Variants in RAB11FIP4 observed in about 807,000 individuals in gnomAD.
The protein encoded by RAB11FIP4 is rab11 family-interacting protein 4.
A neutral mutation model predicts 74.3 loss-of-function variants in RAB11FIP4; 23 were observed. That is an observed-to-expected ratio of 0.31 (90% CI 0.22 to 0.44). The LOEUF (loss-of-function observed/expected upper bound fraction) is 0.44. Ranked by LOEUF, RAB11FIP4 falls within the 20% of genes least tolerant of loss-of-function variation. The probability of loss-of-function intolerance (pLI) is 1.00; values close to 1 mark genes in which losing one functional copy is unlikely to be tolerated. For missense variants in RAB11FIP4, 630 were observed against 863.9 expected, an observed-to-expected ratio of 0.73 and a Z score of 3.39; for synonymous variants, 360 against 359.9, an observed-to-expected ratio of 1.00 and a Z score of 0.00.
chr17:31,463,444 T>C (rs1192056925), intron 3 of RAB11FIP4, among the ~76,000 whole-genome samples: 1 of 152,094 alleles, frequency 6.6e-6, no homozygotes, highest in African/African-American at 2.4e-5. Flanking sequence ...GCTCTCAATT[T>C]TGGCACCAAC....
At chr17:31,420,292 G>A (rs901911262) in intron 1 of RAB11FIP4, among the ~76,000 whole-genome samples, 1 of 152,078 alleles carries the variant, frequency 6.6e-6, no homozygotes, top group Admixed American at 6.5e-5. Context: ...GTGCAGTGGT[G>A]TAATCAAGGC....
intron 3 of RAB11FIP4, among the ~76,000 whole-genome samples, chr17:31,503,749 G>A (rs940885970): frequency 6.7e-6 from 1 of 149,796 alleles, no homozygotes; most frequent in Non-Finnish European, 1.5e-5. Flanking sequence ...TGAAGCTCAT[G>A]TTGGTCTGTT....
chr17:31,407,679 G>A (rs1055110245), intron 1 of RAB11FIP4, among the ~76,000 whole-genome samples: 4 of 152,122 alleles, frequency 2.6e-5, no homozygotes, highest in Non-Finnish European at 4.4e-5. Context: ...CACAGTAAGC[G>A]TTTTTGGCAG....
intron 1 of RAB11FIP4, among the ~76,000 whole-genome samples, chr17:31,393,068 G>C (rs771167508): frequency 6.6e-6 from 1 of 152,254 alleles, no homozygotes; most frequent in Non-Finnish European, 1.5e-5. Context: ...TCACCAGAGA[G>C]TGGGAGGCGA....
At chr17:31,392,063 CGCCCCTCCCCCAGCT>C in intron 1 of RAB11FIP4, 52 bp downstream of exon 1, 1 of 1,130,240 alleles carries the variant, frequency 8.8e-7, no homozygotes, top group Non-Finnish European at 1.1e-6. Flanking sequence ...CCAGCCCCGC[CGCCCCTCCCCCAGCT>C]CCCCCGCCGG....
chr17:31,404,077 C>T (rs1350895914), intron 1 of RAB11FIP4, among the ~76,000 whole-genome samples: 2 of 152,178 alleles, frequency 1.3e-5, no homozygotes, highest in Non-Finnish European at 2.9e-5. Context: ...ATTCCATGGC[C>T]CCAGGAGGTG....
chr17:31,393,701 C>T (rs907154897), intron 1 of RAB11FIP4, among the ~76,000 whole-genome samples: 6 of 152,196 alleles, frequency 3.9e-5, no homozygotes, highest in Admixed American at 3.9e-4. Context: ...ACTCCTGCCC[C>T]TTCTCTCCTT....
rs2072610838 is a variant in RAB11FIP4 at position 31,518,901 on chromosome 17, C to T, written c.563+1024C>T. Among the ~76,000 whole-genome samples, 5 of 152,116 alleles carry T rather than the reference C, an allele frequency of 3.3e-5. No individual in the cohort carries two copies. In the South Asian group the frequency reaches 1.0e-3, roughly 32 times the overall value. ...AGGCTGGAGTGCAGTGGCATGATCT[C>T]ACCTCACTGCAGCCTCCGCCTCCCG... On this transcript the variant is annotated intron_variant, in intron 4 of 14. Coordinates refer to ENST00000621161, the MANE Select transcript of RAB11FIP4 (RefSeq NM_032932.6).
intron 1 of RAB11FIP4, among the ~76,000 whole-genome samples, chr17:31,402,829 G>T (rs777162870): frequency 1.3e-5 from 2 of 151,612 alleles, no homozygotes; most frequent in Non-Finnish European, 2.9e-5. Flanking sequence ...GTTTCACCGT[G>T]TTAGCCAGGA....
Position 31,521,319 on chromosome 17 carries a change from G to A in RAB11FIP4, c.717G>A (p.Arg239=), listed in dbSNP as rs190776227. 1.1e-4 allele frequency: 182 copies of A among 1,613,764 alleles called. No homozygotes were observed. In the Admixed American group the frequency reaches 2.2e-3, roughly 19 times the overall value. ...GCCCTTGCCCCGATGATGAGACCAG[G>A]ACCAACGTCTACTCGGACCTGGGGT... The part of the protein sequence containing the change: ...PSSPCPDDET[R]TNVYSDLGSS... Residue 239 remains arginine (R), a synonymous_variant, in exon 5 of 15, where the codon AGG becomes AGA. Coordinates refer to ENST00000621161, the MANE Select transcript of RAB11FIP4 (RefSeq NM_032932.6).
intron 3 of RAB11FIP4, among the ~76,000 whole-genome samples, chr17:31,511,605 G>A (rs892925495): frequency 1.3e-5 from 2 of 152,240 alleles, no homozygotes; most frequent in African/African-American, 4.8e-5. Context: ...AGGTGGACAT[G>A]TGGTCACTTG....
chr17:31,523,912 A>C lies in RAB11FIP4; in HGVS notation c.1049A>C (p.Lys350Thr). Residue 350 changes from lysine to threonine, a missense_variant, in exon 9 of 15, where the codon AAG (lysine) becomes ACG (threonine). By Grantham distance (78) the Lys-to-Thr change is moderately conservative. Coordinates refer to ENST00000621161, the MANE Select transcript of RAB11FIP4 (RefSeq NM_032932.6). ...ITEKVSFLEKKVTELENDSLT... is the reference protein window; with the variant it reads ...ITEKVSFLEKTVTELENDSLT... ...CTGCAGGTAAGCTTCCTGGAAAAGAAGGTGACAGAGCTGGAGAATGACAGC... is the reference window on the plus strand; with the variant it reads ...CTGCAGGTAAGCTTCCTGGAAAAGACGGTGACAGAGCTGGAGAATGACAGC... The C allele has an allele frequency of 1.2e-6, 2 of 1,611,648 alleles. No individual in the cohort carries two copies. The highest frequency in any genetic ancestry group is 1.7e-6 in the Non-Finnish European group (2 of 1,179,092).
intron 3 of RAB11FIP4, among the ~76,000 whole-genome samples, chr17:31,509,862 G>A (rs1026854020): frequency 3.9e-5 from 6 of 152,120 alleles, no homozygotes; most frequent in Non-Finnish European, 8.8e-5. Context: ...AGGCAAGGCC[G>A]AGGCACTGCC....
In RAB11FIP4 at chr17:31,436,212, A is replaced by G. The variant is rs1174941412; in HGVS notation, c.336+2090A>G. Among the ~76,000 whole-genome samples the G allele has an allele frequency of 2.0e-5, 3 of 152,288 alleles. No individual in the cohort carries two copies. The East Asian group carries it at 5.8e-4, about 29-fold the overall frequency. On this transcript the variant is annotated intron_variant, in intron 3 of 14. Coordinates refer to ENST00000621161, the MANE Select transcript of RAB11FIP4 (RefSeq NM_032932.6). ...GAGCGTCAGTGTCCTCAACTGTAAA[A>G]CAAGGCTTGCTGTGCCAATCTGGAG...
At position 31,431,799 on chromosome 17, in the gene RAB11FIP4, C is replaced by T. The variant is rs773714816; in HGVS notation, c.160-14C>T. The T allele has an allele frequency of 6.3e-7, 1 of 1,590,966 alleles. No individual in the cohort carries two copies. The highest frequency in any genetic ancestry group is 8.6e-7 in the Non-Finnish European group (1 of 1,162,738). On this transcript the variant is annotated splice_polypyrimidine_tract_variant and intron_variant, in intron 1 of 14. Transcript: ENST00000621161. ...CTTGGGTGTCTCACACCTGTCCCTG[C>T]TTCATTCCCACAGGTGGAAAAACTT...
intron 1 of RAB11FIP4, among the ~76,000 whole-genome samples, chr17:31,395,009 G>A (rs921729364): frequency 2.0e-5 from 3 of 151,776 alleles, no homozygotes; most frequent in Non-Finnish European, 2.9e-5. Flanking sequence ...TTAAAATCAG[G>A]CAGTGACATT....
chr17:31,432,048 CG>C, intron 2 of RAB11FIP4, 148 bp downstream of exon 2: 50 of 624,284 alleles, frequency 8.0e-5, no homozygotes, highest in South Asian at 1.2e-4. Flanking sequence ...CTCTGGCTTC[CG>C]GGGGGGCCAG....
chr17:31,427,062 G>A (rs1047434925), intron 1 of RAB11FIP4, among the ~76,000 whole-genome samples: 17 of 152,064 alleles, frequency 1.1e-4, no homozygotes, highest in African/African-American at 3.9e-4. Context: ...TGTTTCAAAC[G>A]ATTCTCCTGC....
chr17:31,425,865 G>C (rs2071244296), intron 1 of RAB11FIP4, among the ~76,000 whole-genome samples: 1 of 152,130 alleles, frequency 6.6e-6, no homozygotes, highest in African/African-American at 2.4e-5. Flanking sequence ...GCGGCCCCCA[G>C]CTCCCCTGCC....
Sources: allele counts gnomAD v4.1 joint callset (sites outside exome capture counted in the v4.1 genomes callset), GRCh38; gene constraint gnomAD v4.1.1; transcripts MANE v1.5; gene names NCBI Gene and HGNC (gene_info 2026-07-23, HGNC 2026-07-21).